Variants in CNTN5 observed in about 807,000 individuals in gnomAD.
CNTN5 encodes the protein contactin-5.
A neutral mutation model predicts 129.1 loss-of-function variants in CNTN5; 77 were observed. The ratio of observed to expected loss-of-function variants is 0.60; its 90% CI spans 0.50 to 0.72. The LOEUF (loss-of-function observed/expected upper bound fraction) is 0.72, where lower values mean the gene tolerates loss of function less well. CNTN5 is among the 30% of genes least tolerant of loss of function. The pLI is 0.00. For synonymous variants in CNTN5, 509 were observed against 465.6 expected, an observed-to-expected ratio of 1.09 and a Z score of -1.20; for missense variants, 1,478 against 1,328.8, an observed-to-expected ratio of 1.11 and a Z score of -1.75.
intron 2 of CNTN5, among the ~76,000 whole-genome samples, chr11:99,502,798 G>A (rs1000700415): frequency 6.6e-6 from 1 of 152,086 alleles, no homozygotes; most frequent in African/African-American, 2.4e-5. Flanking sequence ...CCTATATGAT[G>A]TCTCACTTTT....
chr11:100,102,410 ATTAT>A (rs543495485), intron 13 of CNTN5, among the ~76,000 whole-genome samples: 8 of 151,758 alleles, frequency 5.3e-5, no homozygotes, highest in Non-Finnish European at 1.2e-4. Flanking sequence ...TTTTGATGGG[ATTAT>A]TTGTTTTTTC....
At chr11:100,250,290 A>G (rs1049646426) in intron 16 of CNTN5, among the ~76,000 whole-genome samples, 6 of 152,100 alleles carry the variant, frequency 3.9e-5, no homozygotes, top group African/African-American at 1.2e-4. Flanking sequence ...ATATAATTAT[A>G]TTTTAAAACA....
At chr11:100,268,673 G>A (rs962893502) in intron 17 of CNTN5, among the ~76,000 whole-genome samples, 1 of 152,114 alleles carries the variant, frequency 6.6e-6, no homozygotes, top group Non-Finnish European at 1.5e-5. Flanking sequence ...TCAAGAATGA[G>A]TTCCAGAGAC....
intron 2 of CNTN5, among the ~76,000 whole-genome samples, chr11:99,380,583 C>T (rs908622844): frequency 2.6e-5 from 4 of 151,594 alleles, no homozygotes; most frequent in Admixed American, 6.6e-5. Flanking sequence ...CAGCCTGGCC[C>T]ACATGGTGAG....
intron 1 of CNTN5, among the ~76,000 whole-genome samples, chr11:99,316,043 G>A (rs918061900): frequency 1.3e-5 from 2 of 151,630 alleles, no homozygotes; most frequent in African/African-American, 2.4e-5. Context: ...TCTTTAATTT[G>A]GATGATAAAG....
At chr11:100,134,056 A>T (rs1946455078) in intron 13 of CNTN5, among the ~76,000 whole-genome samples, 1 of 152,164 alleles carries the variant, frequency 6.6e-6, no homozygotes, top group African/African-American at 2.4e-5. Context: ...AATGAGATAA[A>T]TCTGCTAAAG....
At chr11:99,073,767 G>A (rs923945722) in intron 1 of CNTN5, among the ~76,000 whole-genome samples, 1 of 152,052 alleles carries the variant, frequency 6.6e-6, no homozygotes, top group African/African-American at 2.4e-5. Context: ...TGGTATATAT[G>A]TGCCACATTT....
intron 13 of CNTN5, among the ~76,000 whole-genome samples, chr11:100,078,069 G>T (rs1944212902): frequency 6.6e-6 from 1 of 152,042 alleles, no homozygotes; most frequent in Non-Finnish European, 1.5e-5. Flanking sequence ...GATTGAAAAT[G>T]ATAGAACAAC....
intron 1 of CNTN5, among the ~76,000 whole-genome samples, chr11:99,057,089 C>A (rs1214270471): frequency 6.6e-6 from 1 of 152,028 alleles, no homozygotes; most frequent in Admixed American, 6.6e-5. Context: ...ACAATTTAAT[C>A]TGGTTACAGA....
At chr11:99,592,974 A>G (rs1950023635) in intron 3 of CNTN5, among the ~76,000 whole-genome samples, 1 of 152,184 alleles carries the variant, frequency 6.6e-6, no homozygotes, top group African/African-American at 2.4e-5. Context: ...AATGTGAGAG[A>G]AAAAGGGAGG....
chr11:99,037,576 CTTTTTT>C (rs1161467398), intron 1 of CNTN5, among the ~76,000 whole-genome samples: 1,256 of 105,646 alleles, frequency 0.012, 20 homozygotes, highest in African/African-American at 0.043. Flanking sequence ...TTTTTCTTTT[CTTTTTT>C]TTTTTTTTTT....
intron 1 of CNTN5, among the ~76,000 whole-genome samples, chr11:99,123,464 G>A (rs147464192): frequency 0.061 from 9,293 of 151,940 alleles, 311 homozygotes; most frequent in African/African-American, 0.085. Flanking sequence ...TGCATAGTTT[G>A]CAAATATTTT....
chr11:99,048,469 A>C (rs74838532), intron 1 of CNTN5, among the ~76,000 whole-genome samples: 6,588 of 152,164 alleles, frequency 0.043, 501 homozygotes, highest in East Asian at 0.23. Flanking sequence ...CTTCATATAA[A>C]TTTTCACATA....
At chr11:100,199,547 T>C (rs530205635) in intron 15 of CNTN5, among the ~76,000 whole-genome samples, 2 of 151,940 alleles carry the variant, frequency 1.3e-5, no homozygotes, top group South Asian at 4.1e-4. Context: ...TTGGGGACCC[T>C]CACGAAGAAA....
chr11:100,228,576 A>C (rs1444007173), intron 16 of CNTN5, among the ~76,000 whole-genome samples: 1 of 152,258 alleles, frequency 6.6e-6, no homozygotes, highest in East Asian at 1.9e-4. Flanking sequence ...CTGCAAAAGT[A>C]AAATCATTAA....
intron 1 of CNTN5, among the ~76,000 whole-genome samples, chr11:99,171,293 G>A (rs1861138093): frequency 6.6e-6 from 1 of 152,160 alleles, no homozygotes; most frequent in Non-Finnish European, 1.5e-5. Flanking sequence ...TGCATAGAGA[G>A]TGATGTCAAA....
intron 15 of CNTN5, among the ~76,000 whole-genome samples, chr11:100,210,642 T>C (rs1017022176): frequency 6.6e-6 from 1 of 152,208 alleles, no homozygotes; most frequent in Admixed American, 6.5e-5. Flanking sequence ...GCAGTTTTGC[T>C]GAATTTCTTG....
chr11:99,478,316 T>C (rs983587461), intron 2 of CNTN5, among the ~76,000 whole-genome samples: 2 of 152,132 alleles, frequency 1.3e-5, no homozygotes, highest in East Asian at 1.9e-4. Flanking sequence ...TTTGGGTTGC[T>C]GGACTGAGGG....
chr11:100,178,124 C>T (rs1948027477), intron 13 of CNTN5, among the ~76,000 whole-genome samples: 1 of 152,124 alleles, frequency 6.6e-6, no homozygotes, highest in African/African-American at 2.4e-5. Flanking sequence ...CTCAGCTCCA[C>T]TCCCTCTTCT....
Sources: gnomAD v4.1 joint callset for allele counts (sites outside exome capture counted in the v4.1 genomes callset) on GRCh38, gnomAD v4.1.1 for gene constraint, MANE v1.5 for transcripts, NCBI Gene and HGNC (gene_info 2026-07-23, HGNC 2026-07-21) for gene names.